The following TRAF5 variants were observed in gnomAD, a reference collection of about 807,000 sequenced individuals.
TRAF5 encodes the protein TNF receptor-associated factor 5.
A neutral mutation model predicts 64.5 loss-of-function variants in TRAF5; 48 were observed. That is an observed-to-expected ratio of 0.74 (90% CI 0.59 to 0.95). The LOEUF (loss-of-function observed/expected upper bound fraction) is 0.95, where lower values mean the gene tolerates loss of function less well. TRAF5 is among the 40% of genes least tolerant of loss of function. The pLI, the probability that TRAF5 is intolerant of heterozygous loss-of-function variation, is 0.00. For synonymous variants in TRAF5, 206 were observed against 240.5 expected, an observed-to-expected ratio of 0.86 and a Z score of 1.33; for missense variants, 545 against 662.8, an observed-to-expected ratio of 0.82 and a Z score of 1.95.
intron 1 of TRAF5, among the ~76,000 whole-genome samples, chr1:211,330,178 T>C (rs1702120246): frequency 6.6e-6 from 1 of 152,172 alleles, no homozygotes; most frequent in African/African-American, 2.4e-5. Context: ...GCAAATGGTC[T>C]GTACACTGTG....
chr1:211,363,786 C>T (rs1558146168), intron 7 of TRAF5, among the ~76,000 whole-genome samples: 2 of 151,984 alleles, frequency 1.3e-5, no homozygotes, highest in Non-Finnish European at 2.9e-5. Flanking sequence ...GTGGCGCACC[C>T]TGTAGTCCCA....
chr1:211,372,715 G>A lies in TRAF5; in HGVS notation c.*13G>A. The A allele has an allele frequency of 1.2e-6, 2 of 1,608,382 alleles. No homozygotes were observed. Among genetic ancestry groups the A allele is most frequent in the Admixed American group, 1.7e-5 (1 of 59,780 alleles). On this transcript the variant is annotated 3_prime_UTR_variant, in exon 11 of 11. Transcript: ENST00000261464. ...GGAGGATCTCTAGTCACTGTTATGG[G>A]GTGATAAGAGGACTTCTTGGGGCCA...
Position 211,353,468 on chromosome 1 carries a change from A to G in TRAF5, c.218+11A>G. 1 of 1,608,260 alleles carries G rather than the reference A, an allele frequency of 6.2e-7. No homozygotes were observed. The highest frequency in any genetic ancestry group is 1.1e-5 in the South Asian group (1 of 90,610). On this transcript the variant is annotated intron_variant, in intron 2 of 10. Coordinates refer to ENST00000261464, the MANE Select transcript of TRAF5 (RefSeq NM_001033910.3). ...CATCCTGTCCCTGAGGTGAGTGGGC[A>G]GGGCCTGCAACTCTGGCCATGGCAG...
chr1:211,347,589 TG>T (rs1267189789), intron 1 of TRAF5, among the ~76,000 whole-genome samples: 1 of 152,242 alleles, frequency 6.6e-6, no homozygotes, highest in Non-Finnish European at 1.5e-5. Context: ...TGAATAGGTC[TG>T]GGAAATACAC....
chr1:211,338,058 C>G (rs1702350427), intron 1 of TRAF5, among the ~76,000 whole-genome samples: 1 of 152,110 alleles, frequency 6.6e-6, no homozygotes, highest in Admixed American at 6.6e-5. Flanking sequence ...CCAGCACCAG[C>G]CCGAAGCTCC....
Position 211,372,302 on chromosome 1 carries a change from C to T in TRAF5, c.1274C>T (p.Thr425Ile), listed in dbSNP as rs1553273022. ...MKKREAVDGH[T>I]VSIFSQSFYT... The stretch of plus-strand genomic sequence containing the variant: ...AAGAGAGAGGCGGTGGATGGGCACA[C>T]AGTGTCCATCTTCAGCCAGTCCTTC... The change falls in exon 11 of 11, where the codon ACA becomes ATA. Residue 425 changes from threonine (T) to isoleucine (I), a missense_variant. By Grantham distance (89) the Thr-to-Ile change is moderately conservative. Transcript: ENST00000261464. The T allele has an allele frequency of 2.5e-6, 4 of 1,614,092 alleles. No individual in the cohort carries two copies. The South Asian group carries it at 4.4e-5, about 18-fold the overall frequency.
intron 1 of TRAF5, among the ~76,000 whole-genome samples, chr1:211,332,316 A>G (rs1558129783): frequency 6.6e-6 from 1 of 152,370 alleles, no homozygotes; most frequent in East Asian, 1.9e-4. Flanking sequence ...TACTTTAGCC[A>G]GATCCAATGT....
chr1:211,346,119 CTCCTCTT>C (rs915488446), intron 1 of TRAF5, among the ~76,000 whole-genome samples: 4 of 152,114 alleles, frequency 2.6e-5, no homozygotes, highest in African/African-American at 9.7e-5. Flanking sequence ...TAGAAAATGC[CTCCTCTT>C]TCTTCAAGAC....
At chr1:211,369,151 A>T (rs1231248778) in intron 8 of TRAF5, 1 of 175,414 alleles carries the variant, frequency 5.7e-6, no homozygotes, top group Admixed American at 6.3e-5. Flanking sequence ...TCCATGTTGA[A>T]TGAATGAAGA....
At chr1:211,350,201 CTT>C (rs376833710) in intron 1 of TRAF5, among the ~76,000 whole-genome samples, 1 of 142,966 alleles carries the variant, frequency 7.0e-6, no homozygotes, top group Admixed American at 7.0e-5. Flanking sequence ...AAACCCCAGG[CTT>C]TTTTTTTTTT....
At position 211,374,078 on chromosome 1, in the gene TRAF5, A is replaced by G. The variant is rs1483009843; in HGVS notation, c.*1376A>G. ...TAAGCTGCTATGCAAATGGGCATTT[A>G]TATAAACTTGTGATGTTTCTTGTCA... On this transcript the variant is annotated 3_prime_UTR_variant, in exon 11 of 11. Transcript: ENST00000261464. 1 of 152,228 alleles carries G rather than the reference A, an allele frequency of 6.6e-6. No individual in the cohort carries two copies. Among genetic ancestry groups the G allele is most frequent in the East Asian group, 1.9e-4 (1 of 5,196 alleles). 9.4% of individuals were successfully genotyped at this position (152,228 alleles called of 1,614,324 possible).
At chr1:211,353,775 G>A (rs1050461978) in intron 2 of TRAF5, among the ~76,000 whole-genome samples, 1 of 152,234 alleles carries the variant, frequency 6.6e-6, no homozygotes, top group Non-Finnish European at 1.5e-5. Context: ...CTGTGTTGTA[G>A]TCACCCCAAT....
At chr1:211,341,643 CTG>C (rs1164307563) in intron 1 of TRAF5, among the ~76,000 whole-genome samples, 2 of 152,028 alleles carry the variant, frequency 1.3e-5, no homozygotes, top group Admixed American at 1.3e-4. Flanking sequence ...GGGCATTGCT[CTG>C]GAGCTGGGAA....
chr1:211,364,579 G>A (rs1478222233), intron 7 of TRAF5, among the ~76,000 whole-genome samples: 2 of 152,014 alleles, frequency 1.3e-5, no homozygotes, highest in East Asian at 1.9e-4. Context: ...CCAGCTACTC[G>A]GGAGGCTGAG....
At chr1:211,329,975 C>T (rs1458819613) in intron 1 of TRAF5, among the ~76,000 whole-genome samples, 1 of 152,168 alleles carries the variant, frequency 6.6e-6, no homozygotes, top group African/African-American at 2.4e-5. Context: ...CCCATATGGC[C>T]TCCAGCAAGT....
chr1:211,365,641 A>C (rs1703329446), intron 8 of TRAF5, 173 bp downstream of exon 8: 1 of 524,362 alleles, frequency 1.9e-6, no homozygotes, highest in Non-Finnish European at 3.3e-6. Flanking sequence ...TTAGAATTGG[A>C]AGGTGCCCTT....
intron 10 of TRAF5, among the ~76,000 whole-genome samples, chr1:211,371,710 C>T (rs1703529289): frequency 6.6e-6 from 1 of 152,000 alleles, no homozygotes; most frequent in South Asian, 2.1e-4. Flanking sequence ...CCAGCAAATT[C>T]CAAGAAAGGG....
At chr1:211,335,232 G>T (rs898403281) in intron 1 of TRAF5, among the ~76,000 whole-genome samples, 1 of 152,110 alleles carries the variant, frequency 6.6e-6, no homozygotes, top group Non-Finnish European at 1.5e-5. Flanking sequence ...ACCAGCTGTG[G>T]TACCTCAAAC....
At chr1:211,350,957 C>T (rs1702767452) in intron 1 of TRAF5, among the ~76,000 whole-genome samples, 1 of 152,022 alleles carries the variant, frequency 6.6e-6, no homozygotes, top group Non-Finnish European at 1.5e-5. Context: ...GCCATCTTCC[C>T]ACCTCAGCCT....
Sources: allele counts gnomAD v4.1 joint callset (sites outside exome capture counted in the v4.1 genomes callset), GRCh38; gene constraint gnomAD v4.1.1; transcripts MANE v1.5; gene names NCBI Gene and HGNC (gene_info 2026-07-23, HGNC 2026-07-21).